PCCB: variants seen among roughly 807,000 people sequenced by gnomAD.
The protein encoded by PCCB is propionyl-CoA carboxylase beta chain, mitochondrial.
A neutral mutation model predicts 60.7 loss-of-function variants in PCCB; 43 were observed. The ratio of observed to expected loss-of-function variants is 0.71; its 90% CI spans 0.55 to 0.91. The LOEUF is 0.91. Among genes scored for constraint, PCCB ranks in the 40% least tolerant of loss-of-function variants. The pLI, the probability that PCCB is intolerant of heterozygous loss-of-function variation, is 0.00. For missense variants in PCCB, 766 were observed against 702.8 expected (o/e 1.09, Z -1.02); for synonymous variants, 276 against 255.9 (o/e 1.08, Z -0.75).
chr3:136,266,570 A>G (rs1941988776), intron 5 of PCCB, among the ~76,000 whole-genome samples: 1 of 152,186 alleles, frequency 6.6e-6, no homozygotes, highest in African/African-American at 2.4e-5. Flanking sequence ...TACAGGCGTG[A>G]GCCACTGTGC....
intron 10 of PCCB, 148 bp downstream of exon 10, chr3:136,317,212 ATTTTTTTTTTTTTTTTT>A (rs397694948): frequency 6.9e-4 from 179 of 259,606 alleles, no homozygotes; most frequent in Middle Eastern, 2.1e-3. Flanking sequence ...ATAAAAGCTA[ATTTTTTTTTTTTTTTTT>A]TTTTTTTTTT....
chr3:136,316,897 T>A, intron 9 of PCCB, 44 bp from the exon 10 acceptor site: 1 of 1,609,678 alleles, frequency 6.2e-7, no homozygotes, highest in African/African-American at 1.3e-5. Context: ...CATCTTATAC[T>A]TGTCTTTACC....
At chr3:136,315,723 G>A (rs1934864749) in intron 9 of PCCB, among the ~76,000 whole-genome samples, 1 of 151,784 alleles carries the variant, frequency 6.6e-6, no homozygotes, top group South Asian at 2.1e-4. Context: ...AGCTACTTGG[G>A]AGGCTGAGGT....
chr3:136,286,445 GT>G (rs1407008268), intron 6 of PCCB, among the ~76,000 whole-genome samples: 2 of 152,100 alleles, frequency 1.3e-5, no homozygotes, highest in East Asian at 3.9e-4. Context: ...AACTTAACAG[GT>G]TTTGATTTCT....
chr3:136,275,447 A>G (rs1192908632), intron 5 of PCCB, among the ~76,000 whole-genome samples: 2 of 151,864 alleles, frequency 1.3e-5, no homozygotes, highest in East Asian at 3.9e-4. Flanking sequence ...ATTTCGTTTT[A>G]GTTTGGATCC....
chr3:136,326,646 C>G (rs529005468), intron 10 of PCCB, among the ~76,000 whole-genome samples, 157 bp from the exon 11 acceptor site: 1 of 152,164 alleles, frequency 6.6e-6, no homozygotes, highest in East Asian at 1.9e-4. Flanking sequence ...TTCCCTGTTT[C>G]CTGGAGTTTG....
intron 5 of PCCB, among the ~76,000 whole-genome samples, chr3:136,274,412 T>C (rs1942288378): frequency 6.6e-6 from 1 of 152,194 alleles, no homozygotes; most frequent in Admixed American, 6.5e-5. Flanking sequence ...AATTCTTGGG[T>C]GGCAGTTATT....
intron 10 of PCCB, 148 bp from the exon 11 acceptor site, chr3:136,326,655 T>G: frequency 8.3e-6 from 6 of 720,086 alleles, no homozygotes; most frequent in South Asian, 4.4e-5. Flanking sequence ...TCCTGGAGTT[T>G]GAGGGGTCCT....
intron 3 of PCCB, among the ~76,000 whole-genome samples, chr3:136,258,972 G>A (rs1941750329): frequency 6.6e-6 from 1 of 151,846 alleles, no homozygotes; most frequent in Admixed American, 6.6e-5. Flanking sequence ...CCCCAAATTT[G>A]TTTAATCCTT....
At chr3:136,260,575 C>T in intron 4 of PCCB, 40 bp downstream of exon 4, 2 of 1,499,712 alleles carry the variant, frequency 1.3e-6, no homozygotes, top group South Asian at 2.3e-5. Context: ...TTGCTTTCCT[C>T]AGTTACATAG....
chr3:136,299,831 TATG>T (rs1195279061), intron 8 of PCCB, among the ~76,000 whole-genome samples: 1 of 148,872 alleles, frequency 6.7e-6, no homozygotes, highest in African/African-American at 2.6e-5. Context: ...TATGTATGTA[TATG>T]CATGTGTATG....
At chr3:136,315,135 C>G (rs1055433072) in intron 9 of PCCB, among the ~76,000 whole-genome samples, 5 of 152,216 alleles carry the variant, frequency 3.3e-5, no homozygotes, top group African/African-American at 1.2e-4. Context: ...GATATAACCA[C>G]TAAAAGCACC....
chr3:136,299,561 T>C (rs1344828729), intron 8 of PCCB, among the ~76,000 whole-genome samples: 2 of 117,336 alleles, frequency 1.7e-5, no homozygotes, highest in Admixed American at 1.5e-4. Flanking sequence ...CATGTGTATG[T>C]ATGTATATGC....
At chr3:136,295,375 C>T (rs958768468) in intron 7 of PCCB, among the ~76,000 whole-genome samples, 2 of 152,186 alleles carry the variant, frequency 1.3e-5, no homozygotes, top group African/African-American at 4.8e-5. Context: ...GATCCCCCAC[C>T]CACAAAAATT....
rs1323669279 is a variant in PCCB at position 136,304,351 on chromosome 3, C to G, written c.966+3240C>G. Among the ~76,000 whole-genome samples the G allele has an allele frequency of 2.5e-5, 3 of 118,956 alleles. 1 individual carries two copies. The highest frequency in any genetic ancestry group is 5.6e-5 in the Non-Finnish European group (3 of 53,818). The allele number at this position is 118,956 out of a possible 152,430, so 78.0% of individuals were successfully genotyped here. ...AAAATTTTTTGTAGAGATGGCAACTCACTATGTTGCCCAGGCTGGCTTTTC... is the reference window on the plus strand; with the variant it reads ...AAAATTTTTTGTAGAGATGGCAACTGACTATGTTGCCCAGGCTGGCTTTTC... On this transcript the variant is annotated intron_variant, in intron 9 of 14. Transcript: ENST00000251654.
chr3:136,262,579 A>T (rs1941856276), intron 5 of PCCB, among the ~76,000 whole-genome samples: 1 of 152,224 alleles, frequency 6.6e-6, no homozygotes, highest in Non-Finnish European at 1.5e-5. Context: ...GACTGAAATT[A>T]TGAGAGAAAG....
In PCCB at chr3:136,297,516, T is replaced by C. The variant is rs145402663; in HGVS notation, c.764-436T>C. On this transcript the variant is annotated intron_variant, in intron 7 of 14. Transcript: ENST00000251654. Reference sequence around the variant, plus strand: ...CTGTGCACCTGTTTGCCAGGTACATTATTCTTAATGTTGGCCAGGCCTGAT... The same window carrying C: ...CTGTGCACCTGTTTGCCAGGTACATCATTCTTAATGTTGGCCAGGCCTGAT... Among the ~76,000 whole-genome samples the C allele has an allele frequency of 9.7e-3, 1,476 of 152,260 alleles. 8 individuals carry two copies. Among genetic ancestry groups the C allele is most frequent in the Middle Eastern group, 0.02 (6 of 294 alleles).
intron 2 of PCCB, 83 bp downstream of exon 2, chr3:136,256,058 G>A (rs1941664605): frequency 1.2e-6 from 2 of 1,600,274 alleles, no homozygotes; most frequent in Admixed American, 3.4e-5. Flanking sequence ...AATCTATAAG[G>A]CTTTTATCTG....
rs372649775 is a variant in PCCB at position 136,250,342 on chromosome 3, G to A, written c.-34G>A. ...CACGCTTTAGCACATGCGTACTCAG[G>A]TGCGCCGGTAGGGGACGCGCCGGCA... On this transcript the variant is annotated 5_prime_UTR_variant, in exon 1 of 15. It adds an upstream start codon to the 5' untranslated region. Transcript: ENST00000251654. 611 of 1,483,054 alleles carry A rather than the reference G, an allele frequency of 4.1e-4. 2 individuals carry two copies. Among genetic ancestry groups the A allele is most frequent in the Non-Finnish European group, 2.2e-4 (243 of 1,111,784 alleles). The allele number at this position is 1,483,054 out of a possible 1,614,324, so 91.9% of individuals were successfully genotyped here. A position where few individuals can be genotyped will look rare whatever the true frequency, so the allele number is the denominator to read the frequency against.
Sources: allele counts gnomAD v4.1 joint callset (sites outside exome capture counted in the v4.1 genomes callset), GRCh38; gene constraint gnomAD v4.1.1; transcripts MANE v1.5; gene names NCBI Gene and HGNC (gene_info 2026-07-23, HGNC 2026-07-21).